Variants in SLC35F4 observed in about 807,000 individuals in gnomAD.
SLC35F4 encodes chromosome 14 open reading frame 36.
A neutral mutation model predicts 44.2 loss-of-function variants in SLC35F4; 24 were observed. The observed-to-expected ratio is 0.54, with a 90% CI of 0.39 to 0.76. The LOEUF (loss-of-function observed/expected upper bound fraction) is 0.76. SLC35F4 is among the 30% of genes least tolerant of loss of function. The probability of loss-of-function intolerance (pLI) is 0.00; values close to 1 mark genes in which losing one functional copy is unlikely to be tolerated. For synonymous variants in SLC35F4, 238 were observed against 223.6 expected (o/e 1.06, Z -0.57); for missense variants, 562 against 586.1 (o/e 0.96, Z 0.42).
At chr14:57,955,990 C>T (rs1890230373) in intron 1 of SLC35F4, among the ~76,000 whole-genome samples, 1 of 151,950 alleles carries the variant, frequency 6.6e-6, no homozygotes. Flanking sequence ...CAAGAAAATC[C>T]TAAGAAAAAA....
intron 1 of SLC35F4, among the ~76,000 whole-genome samples, chr14:57,710,141 C>T (rs951648638): frequency 7.9e-5 from 12 of 152,200 alleles, no homozygotes; most frequent in Non-Finnish European, 1.6e-4. Context: ...TCTGTGCAGT[C>T]TCAAGACATG....
At chr14:57,574,938 C>A (rs2087668822) in intron 4 of SLC35F4, among the ~76,000 whole-genome samples, 1 of 152,204 alleles carries the variant, frequency 6.6e-6, no homozygotes, top group Admixed American at 6.5e-5. Flanking sequence ...TTCTTGGCCT[C>A]AGCTTTCTGG....
chr14:57,920,886 T>G (rs1056411725), intron 1 of SLC35F4, among the ~76,000 whole-genome samples: 1 of 152,250 alleles, frequency 6.6e-6, no homozygotes, highest in Non-Finnish European at 1.5e-5. Flanking sequence ...GGAACATTTT[T>G]ACATCAAATG....
rs983339781 is a variant in SLC35F4, at chr14:57,705,113, A to C, written c.104-110989T>G. ...ATAAAATTGTTCTGAGAATCAAATG[A>C]ATTAATATATGTTAAAAATTTTGAA... On this transcript the variant is annotated intron_variant, in intron 1 of 7. Transcript: ENST00000556826. Among the ~76,000 whole-genome samples, 11 of 152,226 alleles carry C rather than the reference A, an allele frequency of 7.2e-5. 1 individual carries two copies. Among genetic ancestry groups the C allele is most frequent in the Admixed American group, 7.2e-4 (11 of 15,272 alleles).
chr14:57,865,017 G>C (rs1479333925), intron 1 of SLC35F4, among the ~76,000 whole-genome samples: 1 of 151,818 alleles, frequency 6.6e-6, no homozygotes, highest in Admixed American at 6.6e-5. Flanking sequence ...TGACCGCGAC[G>C]TGCGGCGGGG....
At chr14:57,812,248 G>C (rs1349841630) in intron 1 of SLC35F4, among the ~76,000 whole-genome samples, 1 of 152,116 alleles carries the variant, frequency 6.6e-6, no homozygotes, top group Non-Finnish European at 1.5e-5. Context: ...CTGCACTACA[G>C]ATAAAGTGTG....
At chr14:57,609,627 G>A (rs1394054134) in intron 1 of SLC35F4, among the ~76,000 whole-genome samples, 2 of 152,182 alleles carry the variant, frequency 1.3e-5, no homozygotes, top group Admixed American at 1.3e-4. Context: ...TATTTAAAAT[G>A]TTTCTTGTAG....
rs577335679 is a variant in SLC35F4 at position 57,948,261 on chromosome 14, A to T, written n.282+33652T>A. Among the ~76,000 whole-genome samples, 254 of 152,158 alleles carry T rather than the reference A, an allele frequency of 1.7e-3. 2 individuals carry two copies. The highest frequency in any genetic ancestry group is 2.6e-3 in the Non-Finnish European group (174 of 67,966). ...CTATTTCTTCCTGATTTAATCTAGA[A>T]GGATTGTATATTTCCAGGAATTTTT... On this transcript the variant is annotated intron_variant and non_coding_transcript_variant, in intron 1 of 1. Transcript: ENST00000556568.
At chr14:57,743,769 C>CA (rs986417068) in intron 1 of SLC35F4, among the ~76,000 whole-genome samples, 60 of 152,130 alleles carry the variant, frequency 3.9e-4, no homozygotes, top group Admixed American at 6.5e-4. Flanking sequence ...AAAGACACAA[C>CA]AAAAAAACAC....
At chr14:57,650,775 A>C (rs2073750932) in intron 1 of SLC35F4, among the ~76,000 whole-genome samples, 1 of 152,076 alleles carries the variant, frequency 6.6e-6, no homozygotes, top group South Asian at 2.1e-4. Flanking sequence ...CCACCCCTCC[A>C]GGTCAGCCTC....
intron 4 of SLC35F4, among the ~76,000 whole-genome samples, chr14:57,573,563 A>G (rs2068625773): frequency 6.6e-6 from 1 of 151,946 alleles, no homozygotes; most frequent in Admixed American, 6.6e-5. Flanking sequence ...AAACACAGTG[A>G]GGGGGTTATC....
chr14:57,876,043 G>GCAACAAC (rs992560016), intron 1 of SLC35F4, among the ~76,000 whole-genome samples: 1 of 152,152 alleles, frequency 6.6e-6, no homozygotes, highest in Non-Finnish European at 1.5e-5. Flanking sequence ...AAGGTTACCT[G>GCAACAAC]CAACAACGAG....
chr14:57,907,436 A>G (rs1889123708), intron 1 of SLC35F4, among the ~76,000 whole-genome samples: 1 of 152,130 alleles, frequency 6.6e-6, no homozygotes, highest in Non-Finnish European at 1.5e-5. Context: ...GGAGAAGGAA[A>G]CTATCCACTT....
chr14:57,783,124 G>A (rs2077667566), intron 1 of SLC35F4, among the ~76,000 whole-genome samples: 1 of 152,052 alleles, frequency 6.6e-6, no homozygotes, highest in Non-Finnish European at 1.5e-5. Context: ...TATGTGGGTG[G>A]AGGATTGCTA....
intron 1 of SLC35F4, among the ~76,000 whole-genome samples, chr14:57,724,246 T>G (rs1032922889): frequency 5.3e-5 from 8 of 152,140 alleles, no homozygotes; most frequent in Non-Finnish European, 1.0e-4. Flanking sequence ...GATCCAATGG[T>G]GCTTGAGGTT....
chr14:57,668,501 T>G (rs151142845), intron 1 of SLC35F4, among the ~76,000 whole-genome samples: 1 of 151,544 alleles, frequency 6.6e-6, no homozygotes, highest in Non-Finnish European at 1.5e-5. Flanking sequence ...TTGAATTAAT[T>G]TTTGTATAAG....
chr14:57,632,968 A>G (rs961463334), intron 1 of SLC35F4, among the ~76,000 whole-genome samples: 2 of 152,132 alleles, frequency 1.3e-5, no homozygotes, highest in Middle Eastern at 3.4e-3. Flanking sequence ...CCAGAATGTC[A>G]TATCATTGGA....
chr14:57,730,795 AGG>A (rs1291077867), intron 1 of SLC35F4, among the ~76,000 whole-genome samples: 16 of 3,904 alleles, frequency 4.1e-3, no homozygotes, highest in African/African-American at 5.3e-3. Context: ...AAGTCTGTCA[AGG>A]AAGTCTGTCA....
intron 3 of SLC35F4, among the ~76,000 whole-genome samples, chr14:57,584,421 C>T (rs1406558952): frequency 6.6e-6 from 1 of 152,170 alleles, no homozygotes; most frequent in African/African-American, 2.4e-5. Context: ...CTTGTTCAGT[C>T]ATGAGAGCTT....
Sources: allele counts gnomAD v4.1 joint callset (sites outside exome capture counted in the v4.1 genomes callset), GRCh38; gene constraint gnomAD v4.1.1; transcripts MANE v1.5; gene names NCBI Gene and HGNC (gene_info 2026-07-23, HGNC 2026-07-21).